RAI2: variants seen among roughly 807,000 people sequenced by gnomAD.
RAI2 encodes the protein retinoic acid-induced protein 2.
RAI2 carries 5 observed loss-of-function variants against 15.3 expected under a neutral mutation model. The observed-to-expected ratio is 0.33, with a 90% confidence interval of 0.17 to 0.69. The LOEUF (loss-of-function observed/expected upper bound fraction) is 0.69. RAI2 is among the 30% of genes least tolerant of loss of function. The probability of loss-of-function intolerance (pLI) is 0.69; values close to 1 mark genes in which losing one functional copy is unlikely to be tolerated. For synonymous variants in RAI2, 191 were observed against 184.0 expected, an observed-to-expected ratio of 1.04 and a Z score of -0.31; for missense variants, 424 against 424.7, an observed-to-expected ratio of 1.00 and a Z score of 0.01.
chrX:17,842,142 C>T (rs1465425306), intron 1 of RAI2, among the ~76,000 whole-genome samples: 1 of 111,669 alleles, frequency 9.0e-6, no homozygotes, highest in East Asian at 2.8e-4. Flanking sequence ...TGAAGACACT[C>T]GTCCCATTAT....
intron 1 of RAI2, among the ~76,000 whole-genome samples, chrX:17,804,279 T>C (rs377093049): frequency 7.1e-5 from 8 of 112,285 alleles, no homozygotes; most frequent in African/African-American, 1.9e-4. Context: ...CATTCATTCA[T>C]GCATGCATGT....
chrX:17,804,932 G>T (rs1284479970), intron 1 of RAI2, among the ~76,000 whole-genome samples: 2 of 112,895 alleles, frequency 1.8e-5, no homozygotes, highest in Non-Finnish European at 3.7e-5. Flanking sequence ...AGAGGACTTT[G>T]CCAGGGCAGG....
At chrX:17,823,730 G>A (rs1226876559) in intron 1 of RAI2, among the ~76,000 whole-genome samples, 2 of 111,856 alleles carry the variant, frequency 1.8e-5, no homozygotes, top group Admixed American at 1.9e-4. Flanking sequence ...TCGTTTGAAC[G>A]ACCCAGATTC....
At chrX:17,827,184 G>C (rs1452567885) in intron 1 of RAI2, among the ~76,000 whole-genome samples, 1 of 111,733 alleles carries the variant, frequency 8.9e-6, no homozygotes, top group Non-Finnish European at 1.9e-5. Context: ...AGCATGGCCA[G>C]GGCAGTGGGC....
rs760816694 is a variant in RAI2, at chrX:17,801,190, T to G, written c.821A>C (p.His274Pro). 192 of 1,208,335 alleles carry G rather than the reference T, an allele frequency of 1.6e-4. No individual in the cohort carries two copies. The highest frequency in any genetic ancestry group is 2.1e-4 in the Non-Finnish European group (187 of 894,658). ...AGGGGTCTGGGTGCCTTTAAAGGGG[T>G]GCAGGCCGAAGGAAGATGGTGGCTT... is the stretch of plus-strand genomic sequence containing the variant. ...FPKPPSSFGL[H>P]PFKGTQTPLE... The change falls in exon 2 of 2, where the codon CAC becomes CCC. Residue 274 changes from histidine (H) to proline (P), a missense_variant. By Grantham distance (77) the His-to-Pro change is moderately conservative. Coordinates refer to ENST00000451717, the MANE Select transcript of RAI2 (RefSeq NM_021785.6).
At chrX:17,844,505 G>A (rs998489352) in intron 1 of RAI2, among the ~76,000 whole-genome samples, 1 of 112,755 alleles carries the variant, frequency 8.9e-6, no homozygotes, top group Admixed American at 9.3e-5. Context: ...CATTGTCTTG[G>A]GCAGAAGAGA....
chrX:17,847,371 A>C (rs2067476148), intron 1 of RAI2, among the ~76,000 whole-genome samples: 1 of 111,946 alleles, frequency 8.9e-6, no homozygotes, highest in Non-Finnish European at 1.9e-5. Flanking sequence ...GAAAAAGACC[A>C]AACACATAAA....
chrX:17,848,123 T>G (rs756946667), intron 1 of RAI2, among the ~76,000 whole-genome samples: 1 of 111,311 alleles, frequency 9.0e-6, no homozygotes, highest in South Asian at 3.8e-4. Flanking sequence ...TTGTTCAATC[T>G]ATTATCAGCA....
chrX:17,815,362 C>G (rs866072472), intron 1 of RAI2, among the ~76,000 whole-genome samples: 2 of 95,104 alleles, frequency 2.1e-5, no homozygotes, highest in Admixed American at 1.1e-4. Context: ...CACACACACA[C>G]AGAGTGGCCA....
chrX:17,850,394 C>A (rs759875799), intron 1 of RAI2, among the ~76,000 whole-genome samples: 19 of 112,513 alleles, frequency 1.7e-4, no homozygotes, highest in Non-Finnish European at 3.4e-4. Flanking sequence ...CCACGAGAAC[C>A]GGCAATGGCG....
chrX:17,801,573 G>C lies in RAI2; in HGVS notation c.438C>G (p.Cys146Trp). ...GGTTGTTGTGGATGGTACTGGAGGA[G>C]CATGGGGCCTCCTGCGGCAGGACCA... ...SPLVLPQEAP[C>W]SSSTIHNNLF... Residue 146 changes from cysteine (C) to tryptophan (W), a missense_variant, in exon 2 of 2, where the codon TGC becomes TGG. Physicochemically the swap from Cys to Trp is radical, Grantham distance 215. Transcript: ENST00000451717. 1 of 1,208,865 alleles carries C rather than the reference G, an allele frequency of 8.3e-7. No individual in the cohort carries two copies. Among genetic ancestry groups the C allele is most frequent in the Non-Finnish European group, 1.1e-6 (1 of 894,028 alleles).
chrX:17,844,655 A>G (rs191069220), intron 1 of RAI2, among the ~76,000 whole-genome samples: 2 of 112,836 alleles, frequency 1.8e-5, no homozygotes, highest in Admixed American at 1.9e-4. Context: ...AAATCACAGG[A>G]CTGGATTTTT....
At chrX:17,852,556 C>T (rs1385643827) in intron 1 of RAI2, among the ~76,000 whole-genome samples, 1 of 111,975 alleles carries the variant, frequency 8.9e-6, no homozygotes, top group Non-Finnish European at 1.9e-5. Flanking sequence ...CTGCCCTCTC[C>T]CTGCCCCCCA....
In RAI2 at chrX:17,838,658, GCACACACA is replaced by G. The variant is rs35063479; in HGVS notation, c.-25+22432_-25+22439del. On this transcript the variant is annotated intron_variant, in intron 1 of 1. Transcript: ENST00000451717. ...CGCCTCAAACACACACACACACACA[GCACACACA>G]CACACACACACACACACAAAACACA... is the stretch of plus-strand genomic sequence containing the variant. 6.9e-5 allele frequency among the ~76,000 whole-genome samples: 7 copies of G among 101,168 alleles called. No individual in the cohort carries two copies. In the East Asian group the frequency reaches 1.6e-3, roughly 23 times the overall value. 87.9% of individuals were successfully genotyped at this position (101,168 alleles called of 115,157 possible).
chrX:17,829,575 C>A (rs2067261692), intron 1 of RAI2, among the ~76,000 whole-genome samples: 1 of 112,200 alleles, frequency 8.9e-6, no homozygotes, highest in African/African-American at 3.2e-5. Flanking sequence ...AGGCAACAAC[C>A]CATGATCCTT....
At chrX:17,860,475 C>T (rs939637067) in intron 1 of RAI2, 1 of 112,671 alleles carries the variant, frequency 8.9e-6, no homozygotes, top group African/African-American at 3.2e-5. Context: ...CATTGGGGGG[C>T]ACCGGGGCTC....
intron 1 of RAI2, among the ~76,000 whole-genome samples, chrX:17,814,807 G>A (rs1042255522): frequency 8.1e-5 from 9 of 110,775 alleles, no homozygotes; most frequent in Non-Finnish European, 1.3e-4. Context: ...TATTTGTGCT[G>A]GCTGGAATGC....
intron 1 of RAI2, among the ~76,000 whole-genome samples, chrX:17,818,583 A>G (rs757993543): frequency 2.0e-4 from 22 of 111,987 alleles, no homozygotes; most frequent in Non-Finnish European, 3.8e-4. Context: ...GGTAAAATTC[A>G]TAATACTCAA....
chrX:17,809,785 TG>T (rs2067023952), intron 1 of RAI2, among the ~76,000 whole-genome samples: 1 of 110,742 alleles, frequency 9.0e-6, no homozygotes, highest in Admixed American at 9.6e-5. Flanking sequence ...TTTGTGTTTT[TG>T]GGGGGAGAGT....
Sources: allele counts gnomAD v4.1 joint callset (sites outside exome capture counted in the v4.1 genomes callset), GRCh38; gene constraint gnomAD v4.1.1; transcripts MANE v1.5; gene names NCBI Gene and HGNC (gene_info 2026-07-23, HGNC 2026-07-21).